Variants in GPR135 observed in about 807,000 individuals in gnomAD.
GPR135 encodes the protein G protein-coupled receptor 135.
GPR135 carries 17 observed loss-of-function variants against 15.0 expected under a neutral mutation model. The observed-to-expected ratio is 1.13, with a 90% confidence interval of 0.78 to 1.70. GPR135 has a LOEUF of 1.70. GPR135 is among the 40% of genes most tolerant of loss of function. GPR135 has a pLI of 0.00. For synonymous variants in GPR135, 368 were observed against 349.4 expected (o/e 1.05, Z -0.59); for missense variants, 776 against 727.0 (o/e 1.07, Z -0.78).
chr14:59,463,586 A>G lies in GPR135; in HGVS notation c.*156T>C. ...CTTTTGGCACTTTTGAAGAAGGGAC[A>G]TTGTCTTTTATGTTGTTTGGGGAAA... On this transcript the variant is annotated 3_prime_UTR_variant, in exon 1 of 1. Coordinates refer to ENST00000395116, the MANE Select transcript of GPR135 (RefSeq NM_022571.6). 2.9e-6 allele frequency: 2 copies of G among 688,180 alleles called. No individual in the cohort carries two copies. The highest frequency in any genetic ancestry group is 4.7e-6 in the Non-Finnish European group (2 of 427,498). The allele number at this position is 688,180 out of a possible 1,614,324, so 42.6% of individuals were successfully genotyped here.
At position 59,461,625 on chromosome 14, in the gene GPR135, G is replaced by C. The variant is rs1425400020; in HGVS notation, c.*2117C>G. On this transcript the variant is annotated 3_prime_UTR_variant, in exon 1 of 1. Coordinates refer to ENST00000395116, the MANE Select transcript of GPR135 (RefSeq NM_022571.6). ...AGATTTTCCCTTCACTCACCAGGTA[G>C]GTTTATTCTATATCACATTTATTTT... 2 of 151,996 alleles carry C rather than the reference G, an allele frequency of 1.3e-5. No homozygotes were observed. The highest frequency in any genetic ancestry group is 1.3e-4 in the Admixed American group (2 of 15,254). 9.4% of individuals were successfully genotyped at this position (151,996 alleles called of 1,614,324 possible).
Position 59,464,644 on chromosome 14 carries a change from C to A in GPR135, c.583G>T (p.Gly195Cys). 6.3e-7 allele frequency: 1 copy of A among 1,597,184 alleles called. No individual in the cohort carries two copies. ...AASRFFSSCF[G>C]IVSTLSVALI... ...GCCACGCTGAGCGTGGACACGATGC[C>A]GAAGCACGAGCTGAAGAAGCGGCTG... is the stretch of plus-strand genomic sequence containing the variant. Residue 195 changes from glycine (G) to cysteine (C), a missense_variant, in exon 1 of 1, where the codon GGC becomes TGC. By Grantham distance (159) the Gly-to-Cys change is radical. Coordinates refer to ENST00000395116, the MANE Select transcript of GPR135 (RefSeq NM_022571.6).
Position 59,463,681 on chromosome 14 carries a change from C to A in GPR135, c.*61G>T. The stretch of plus-strand genomic sequence containing the variant: ...GAAATCCACAACTCTCCCCCAGAAT[C>A]TTCCATCATTAAATAATGCGAGTGG... On this transcript the variant is annotated 3_prime_UTR_variant, in exon 1 of 1. Coordinates refer to ENST00000395116, the MANE Select transcript of GPR135 (RefSeq NM_022571.6). 3.5e-6 allele frequency: 5 copies of A among 1,446,526 alleles called. No individual in the cohort carries two copies. The highest frequency in any genetic ancestry group is 4.7e-6 in the Non-Finnish European group (5 of 1,074,372). The allele number at this position is 1,446,526 out of a possible 1,614,324, so 89.6% of individuals were successfully genotyped here.
In GPR135 at chr14:59,465,111, G is replaced by A. The variant is rs1178777657; in HGVS notation, c.116C>T (p.Ala39Val). The A allele has an allele frequency of 2.9e-6, 4 of 1,382,682 alleles. No individual in the cohort carries two copies. Among genetic ancestry groups the A allele is most frequent in the Non-Finnish European group, 3.7e-6 (4 of 1,067,398 alleles). The allele number at this position is 1,382,682 out of a possible 1,614,324, so 85.7% of individuals were successfully genotyped here. A position where few individuals can be genotyped will look rare whatever the true frequency, so the allele number is the denominator to read the frequency against. ...CACGGTGCTGAAGGAGAGCACGGCC[G>A]CCGTGGCCGCGGAGGAAGTCCCGCC... is the stretch of plus-strand genomic sequence containing the variant. ...PPGGTSSAAT[A>V]AVLSFSTVAT... Residue 39 changes from alanine (A) to valine (V), a missense_variant, in exon 1 of 1, where the codon GCG (alanine) becomes GTG (valine). Transcript: ENST00000395116.
chr14:59,464,293 GCACGCGCACGTCCGA>G lies in GPR135; in HGVS notation c.919_933del (p.Ser307_Val311del). ...ACGCGCGCGTAGGTGTTCACCGGCCGCACGCGCACGTCCGACAGGCGCACCGTCTTGCAGATGTGG... is the reference window on the plus strand; with the variant it reads ...ACGCGCGCGTAGGTGTTCACCGGCCGCAGGCGCACCGTCTTGCAGATGTGG... On this transcript the variant is annotated inframe_deletion, in exon 1 of 1. Transcript: ENST00000395116. The G allele has an allele frequency of 6.2e-7, 1 of 1,611,754 alleles. No individual in the cohort carries two copies. The highest frequency in any genetic ancestry group is 2.2e-5 in the East Asian group (1 of 44,850).
chr14:59,458,333 T>C (rs931882122), downstream of GPR135, among the ~76,000 whole-genome samples: 2 of 152,346 alleles, frequency 1.3e-5, no homozygotes, highest in Admixed American at 1.3e-4. Flanking sequence ...TTGAGGTTAG[T>C]TTAGACCTCA....
chr14:59,463,707 A>C lies in GPR135; in HGVS notation c.*35T>G. 2 of 1,520,216 alleles carry C rather than the reference A, an allele frequency of 1.3e-6. No individual in the cohort carries two copies. Among genetic ancestry groups the C allele is most frequent in the Non-Finnish European group, 8.8e-7 (1 of 1,132,034 alleles). The allele number at this position is 1,520,216 out of a possible 1,614,324, so 94.2% of individuals were successfully genotyped here. ...TTCCATCATTAAATAATGCGAGTGG[A>C]AATTTGCCTTCATAAGCTGGCCATT... On this transcript the variant is annotated 3_prime_UTR_variant, in exon 1 of 1. Coordinates refer to ENST00000395116, the MANE Select transcript of GPR135 (RefSeq NM_022571.6).
intron 6 of GPR135, among the ~76,000 whole-genome samples, chr14:59,453,072 G>A (rs1183990886): frequency 1.3e-4 from 20 of 152,126 alleles, no homozygotes; most frequent in Admixed American, 1.3e-3. Flanking sequence ...CAAGAGACTG[G>A]GAGAAGAAAG....
intron 6 of GPR135, among the ~76,000 whole-genome samples, chr14:59,453,679 G>A (rs1405744941): frequency 6.6e-6 from 1 of 152,206 alleles, no homozygotes; most frequent in Non-Finnish European, 1.5e-5. Context: ...TTAGTGATAA[G>A]AGGCTGGCCT....
At position 59,455,022 on chromosome 14, in the gene GPR135, C is replaced by T. The variant is rs559469608; in HGVS notation, c.*874+662G>A. On this transcript the variant is annotated intron_variant and NMD_transcript_variant, in intron 6 of 6. Transcript: ENST00000481661. ...GGCTGAGGCAGGAGAATCACTTGAA[C>T]CCTGGAGGCGGAGATTGCGGTGAGC... Among the ~76,000 whole-genome samples the T allele has an allele frequency of 2.0e-5, 3 of 152,148 alleles. No homozygotes were observed. The East Asian group carries it at 5.8e-4, about 29-fold the overall frequency.
downstream of GPR135, chr14:59,456,609 A>G (rs2139761875): frequency 6.6e-6 from 1 of 152,198 alleles, no homozygotes; most frequent in South Asian, 2.1e-4. Context: ...TTGAACCATC[A>G]CTCCTACCTA....
At chr14:59,455,729 A>G (rs574805375) in exon 6 of GPR135, 1 of 152,364 alleles carries the variant, frequency 6.6e-6, no homozygotes, top group African/African-American at 2.4e-5. Context: ...TGTCCTCACA[A>G]CATGGCAGTT....
In GPR135 at chr14:59,464,945, C is replaced by A. The variant is rs907804381; in HGVS notation, c.282G>T (p.Ala94=). Residue 94 remains alanine, a synonymous_variant, in exon 1 of 1, where the codon GCG becomes GCT. Transcript: ENST00000395116. ...CTGCAGCTCCGTGCGACAGCAGCGGCGCCGCCTCCGGGCCTAGCGGCCGCC... is the reference window on the plus strand; with the variant it reads ...CTGCAGCTCCGTGCGACAGCAGCGGAGCCGCCTCCGGGCCTAGCGGCCGCC... ...AVRRPLGPEA[A]PLLSHGAAVA... is the part of the protein sequence containing the mutation. 1 of 1,547,484 alleles carries A rather than the reference C, an allele frequency of 6.5e-7. No homozygotes were observed. The highest frequency in any genetic ancestry group is 1.7e-4 in the Middle Eastern group (1 of 5,816).
chr14:59,459,745 G>A (rs1888789898), downstream of GPR135, among the ~76,000 whole-genome samples: 1 of 152,214 alleles, frequency 6.6e-6, no homozygotes, highest in Non-Finnish European at 1.5e-5. Flanking sequence ...AAGGAACTGA[G>A]GGAGAGAAAA....
At chr14:59,452,783 G>A (rs1048073577) in intron 6 of GPR135, among the ~76,000 whole-genome samples, 1 of 152,152 alleles carries the variant, frequency 6.6e-6, no homozygotes, top group Non-Finnish European at 1.5e-5. Flanking sequence ...TGTGCACACA[G>A]ATGTTTATAG....
In GPR135 at chr14:59,463,909, C is replaced by T. The variant is rs774132315; in HGVS notation, c.1318G>A (p.Ala440Thr). Residue 440 changes from alanine (A) to threonine (T), a missense_variant, in exon 1 of 1, where the codon GCC becomes ACC. Ala to Thr is a moderately conservative substitution (Grantham distance 58). Transcript: ENST00000395116. Reference sequence around the variant, plus strand: ...TTGGAAGAGGACATCCTGTTGCAGGCCCCCAGCCGGTTGGCATAGCGGTTT... The same window carrying T: ...TTGGAAGAGGACATCCTGTTGCAGGTCCCCAGCCGGTTGGCATAGCGGTTT... ...LRNRYANRLG[A>T]CNRMSSSNPA... 6.2e-6 allele frequency: 10 copies of T among 1,613,966 alleles called. No homozygotes were observed. The East Asian group carries it at 2.2e-4, about 36-fold the overall frequency.
At position 59,463,884 on chromosome 14, in the gene GPR135, T is replaced by A. The variant is rs1308887701; in HGVS notation, c.1343A>T (p.Asn448Ile). 6 of 1,614,112 alleles carry A rather than the reference T, an allele frequency of 3.7e-6. No individual in the cohort carries two copies. Among genetic ancestry groups the A allele is most frequent in the Non-Finnish European group, 5.1e-6 (6 of 1,179,978 alleles). Residue 448 changes from asparagine (N) to isoleucine (I), a missense_variant, in exon 1 of 1, where the codon AAC becomes ATC. Coordinates refer to ENST00000395116, the MANE Select transcript of GPR135 (RefSeq NM_022571.6). ...GTCCCCTGCCACTCCGCTGGCCGGG[T>A]TGGAAGAGGACATCCTGTTGCAGGC... is the stretch of plus-strand genomic sequence containing the variant. The part of the protein sequence containing the change: ...LGACNRMSSS[N>I]PASGVAGDVA...
At chr14:59,455,593 C>T (rs1195308590) in intron 6 of GPR135, 1 of 152,174 alleles carries the variant, frequency 6.6e-6, no homozygotes, top group Non-Finnish European at 1.5e-5. Context: ...AGTTCTGATA[C>T]AGGTCTCTCA....
In GPR135 at chr14:59,463,488, AT is replaced by A. The variant is rs534879259; in HGVS notation, c.*253del. 2.1e-3 allele frequency: 1,064 copies of A among 498,024 alleles called. 7 individuals carry two copies. Among genetic ancestry groups the A allele is most frequent in the African/African-American group, 0.019 (960 of 51,470 alleles). The allele number at this position is 498,024 out of a possible 1,614,324, so 30.9% of individuals were successfully genotyped here. A position where few individuals can be genotyped will look rare whatever the true frequency, so the allele number is the denominator to read the frequency against. On this transcript the variant is annotated 3_prime_UTR_variant, in exon 1 of 1. Transcript: ENST00000395116. ...AGTTATAGTGAATGTTATTTTTGTCATTTTTGGCACTTACAGTTCACAATGC... is the reference window on the plus strand; with the variant it reads ...AGTTATAGTGAATGTTATTTTTGTCATTTTGGCACTTACAGTTCACAATGC...
Sources: allele counts gnomAD v4.1 joint callset (sites outside exome capture counted in the v4.1 genomes callset), GRCh38; gene constraint gnomAD v4.1.1; transcripts MANE v1.5; gene names NCBI Gene and HGNC (gene_info 2026-07-23, HGNC 2026-07-21).